Variants in MGAM2 observed in about 807,000 individuals in gnomAD.
MGAM2 encodes maltase-glucoamylase 2 (putative).
MGAM2 carries 98 observed loss-of-function variants against 96.1 expected under a neutral mutation model. The ratio of observed to expected loss-of-function variants is 1.02; its 90% CI spans 0.87 to 1.21. The LOEUF (loss-of-function observed/expected upper bound fraction) is 1.21, where lower values mean the gene tolerates loss of function less well. MGAM2 is among the 50% of genes most tolerant of loss of function. MGAM2 has a pLI of 0.00. For missense variants in MGAM2, 2,055 were observed against 1,182.4 expected (o/e 1.74, Z -10.82); for synonymous variants, 749 against 414.8 (o/e 1.81, Z -9.79).
intron 12 of MGAM2, among the ~76,000 whole-genome samples, chr7:142,143,479 A>G: frequency 6.6e-6 from 1 of 152,306 alleles, no homozygotes; most frequent in African/African-American, 2.4e-5. Context: ...TATTTTAAAC[A>G]ATTTGTCTCC....
intron 44 of MGAM2, among the ~76,000 whole-genome samples, chr7:142,199,313 A>T (rs1797146060): frequency 6.6e-6 from 1 of 152,238 alleles, no homozygotes; most frequent in African/African-American, 2.4e-5. Flanking sequence ...GCCTTGTGGT[A>T]TAACACATGG....
At chr7:142,214,611 T>G (rs1454868312) in intron 46 of MGAM2, among the ~76,000 whole-genome samples, 2 of 152,154 alleles carry the variant, frequency 1.3e-5, no homozygotes, top group African/African-American at 4.8e-5. Context: ...AAGGACCTCT[T>G]CAAGGAGAAC....
In MGAM2 at chr7:142,182,556, G is replaced by A. The variant is rs141426245; in HGVS notation, c.3817-710G>A. Among the ~76,000 whole-genome samples the A allele has an allele frequency of 6.1e-3, 931 of 152,266 alleles. 14 individuals are homozygous for A. The highest frequency in any genetic ancestry group is 0.021 in the African/African-American group (883 of 41,560). On this transcript the variant is annotated intron_variant, in intron 32 of 47. Transcript: ENST00000477922. ...CTGTATGCAGAACCTTCTCGTCTCC[G>A]CACAGGCTTGAGCTCTGCCTCTGCC...
chr7:142,120,283 T>C lies in MGAM2; in HGVS notation c.107-19T>C. 1 of 702,540 alleles carries C rather than the reference T, an allele frequency of 1.4e-6. No individual in the cohort carries two copies. 43.5% of individuals were successfully genotyped at this position (702,540 alleles called of 1,614,324 possible). ...ATTACACTACACATTTTCAACTTTA[T>C]CCTTTAATTCCTATGCAGATACTTC... On this transcript the variant is annotated intron_variant, in intron 2 of 47. Coordinates refer to ENST00000477922, the MANE Select transcript of MGAM2 (RefSeq NM_001293626.2).
chr7:142,182,392 A>T lies in MGAM2; in HGVS notation c.3817-874A>T, dbSNP rs527629130. 5.3e-5 allele frequency among the ~76,000 whole-genome samples: 8 copies of T among 152,246 alleles called. No individual in the cohort carries two copies. The South Asian group carries it at 1.5e-3, about 28-fold the overall frequency. ...GGGCTGGCAGACGGGTGGCATGCAG[A>T]TCAGATGCACCCTTGTTCTGTAGGA... On this transcript the variant is annotated intron_variant, in intron 32 of 47. Coordinates refer to ENST00000477922, the MANE Select transcript of MGAM2 (RefSeq NM_001293626.2).
chr7:142,144,062 C>T (rs1795314768), intron 13 of MGAM2, 180 bp downstream of exon 13: 1 of 434,226 alleles, frequency 2.3e-6, no homozygotes, highest in African/African-American at 2.0e-5. Context: ...TCCTAAGAGC[C>T]TTAGGTTCTT....
intron 3 of MGAM2, among the ~76,000 whole-genome samples, chr7:142,123,247 C>A (rs1003368953): frequency 2.7e-5 from 4 of 150,792 alleles, no homozygotes; most frequent in Non-Finnish European, 4.4e-5. Context: ...TTTTTTACAG[C>A]ACGATTCAAA....
intron 15 of MGAM2, 121 bp downstream of exon 15, chr7:142,147,694 A>C: frequency 1.8e-6 from 1 of 565,182 alleles, no homozygotes; most frequent in Non-Finnish European, 3.1e-6. Flanking sequence ...ATAGAAATAG[A>C]AAAACTGTTC....
At chr7:142,149,593 T>C (rs373261428) in intron 15 of MGAM2, among the ~76,000 whole-genome samples, 9 of 152,046 alleles carry the variant, frequency 5.9e-5, no homozygotes, top group Admixed American at 4.6e-4. Flanking sequence ...CAGGCTGGAG[T>C]GCAGTGGTGC....
intron 12 of MGAM2, among the ~76,000 whole-genome samples, chr7:142,143,496 G>A (rs962362198): frequency 5.3e-5 from 8 of 152,090 alleles, no homozygotes; most frequent in African/African-American, 1.7e-4. Flanking sequence ...CTCCCAACTG[G>A]CCTGACATAA....
chr7:142,183,337 C>T lies in MGAM2; in HGVS notation c.3888C>T (p.Ile1296=), dbSNP rs1447203015. The change falls in exon 33 of 48, where the codon ATC becomes ATT. Residue 1296 remains isoleucine (I), a synonymous_variant. Transcript: ENST00000477922. ...FIRGQENNVF[I]KWPDTNDIVW... ...GAGGACAGGAAAATAACGTGTTCAT[C>T]AAATGGCCTGACACCAATGACATTG... 1 of 703,074 alleles carries T rather than the reference C, an allele frequency of 1.4e-6. No individual in the cohort carries two copies. Among genetic ancestry groups the T allele is most frequent in the Non-Finnish European group, 2.6e-6 (1 of 384,962 alleles). 43.6% of individuals were successfully genotyped at this position (703,074 alleles called of 1,614,324 possible). A position where few individuals can be genotyped will look rare whatever the true frequency, so the allele number is the denominator to read the frequency against.
chr7:142,129,588 G>T (rs558342682), intron 3 of MGAM2, among the ~76,000 whole-genome samples: 7 of 152,046 alleles, frequency 4.6e-5, no homozygotes, highest in African/African-American at 1.7e-4. Context: ...ACTTTGGGAG[G>T]CTGAGGTGGG....
rs371521203 is a variant in MGAM2, at chr7:142,172,299, G to A, written c.3448+105G>A. ...GAGACATTCAGGGGGCAAGGGAAATGGAACAAATAAACTGACTTTCCATTT... is the reference window on the plus strand; with the variant it reads ...GAGACATTCAGGGGGCAAGGGAAATAGAACAAATAAACTGACTTTCCATTT... On this transcript the variant is annotated intron_variant, in intron 29 of 47. Coordinates refer to ENST00000477922, the MANE Select transcript of MGAM2 (RefSeq NM_001293626.2). 9.4e-4 allele frequency: 523 copies of A among 555,326 alleles called. 6 individuals are homozygous for A. The South Asian group carries it at 0.012, about 13-fold the overall frequency. The allele number at this position is 555,326 out of a possible 1,614,324, so 34.4% of individuals were successfully genotyped here.
chr7:142,203,511 A>G (rs908994708), intron 45 of MGAM2, among the ~76,000 whole-genome samples: 6 of 152,154 alleles, frequency 3.9e-5, no homozygotes, highest in African/African-American at 7.2e-5. Flanking sequence ...TAAAATTCCT[A>G]TGGAACCAGA....
chr7:142,196,506 C>T (rs569257355), intron 38 of MGAM2, 59 bp from the exon 39 acceptor site: 4 of 704,760 alleles, frequency 5.7e-6, no homozygotes, highest in Non-Finnish European at 1.0e-5. Flanking sequence ...TCAGGCCAAG[C>T]CTTCACTCTC....
chr7:142,171,618 A>G (rs996847728), intron 28 of MGAM2, among the ~76,000 whole-genome samples, 178 bp downstream of exon 28: 3 of 51,270 alleles, frequency 5.9e-5, no homozygotes, highest in African/African-American at 4.3e-4. Context: ...ATATATATAT[A>G]TATATATATA....
chr7:142,128,811 T>C lies in MGAM2; in HGVS notation c.187-2137T>C, dbSNP rs189647909. ...GTTTTCTGCATAGGTGGAGTCCTTA[T>C]GGAGATCCTCTGCTAGGGCAGTGCG... On this transcript the variant is annotated intron_variant, in intron 3 of 47. Transcript: ENST00000477922. 4.3e-3 allele frequency among the ~76,000 whole-genome samples: 650 copies of C among 152,314 alleles called. 4 individuals carry two copies. Among genetic ancestry groups the C allele is most frequent in the Middle Eastern group, 0.024 (7 of 294 alleles).
In MGAM2 at chr7:142,172,110, T is replaced by C. The variant is rs752360688; in HGVS notation, c.3364T>C (p.Ser1122Pro). ...TCGTGACTCCCAGTACAAGAAGAATTCCTATGGTGTCCACCCTTACTACAT... is the reference window on the plus strand; with the variant it reads ...TCGTGACTCCCAGTACAAGAAGAATCCCTATGGTGTCCACCCTTACTACAT... ...HDEPPAYKKN[S>P]YGVHPYYMAL... is the part of the protein sequence containing the mutation. The change falls in exon 29 of 48, where the codon TCC becomes CCC. Residue 1122 changes from serine (S) to proline (P), a missense_variant. Coordinates refer to ENST00000477922, the MANE Select transcript of MGAM2 (RefSeq NM_001293626.2). The C allele has an allele frequency of 4.1e-6, 3 of 731,282 alleles. No individual in the cohort carries two copies. Among genetic ancestry groups the C allele is most frequent in the African/African-American group, 3.4e-5 (2 of 58,230 alleles). 45.3% of individuals were successfully genotyped at this position (731,282 alleles called of 1,614,324 possible).
chr7:142,137,475 T>C lies in MGAM2; in HGVS notation c.890T>C (p.Ile297Thr), dbSNP rs1474955155. ...QPAPAITYRT[I>T]GGILDFYVFL... ...GCTCCTGCGATCACTTATCGCACGA[T>C]TGGAGGCATTCTTGACTTTTACGTA... The change falls in exon 9 of 48, where the codon ATT becomes ACT. Residue 297 changes from isoleucine to threonine, a missense_variant. Coordinates refer to ENST00000477922, the MANE Select transcript of MGAM2 (RefSeq NM_001293626.2). 1.7e-5 allele frequency: 12 copies of C among 702,190 alleles called. No individual in the cohort carries two copies. The highest frequency in any genetic ancestry group is 5.2e-5 in the African/African-American group (3 of 57,224). 43.5% of individuals were successfully genotyped at this position (702,190 alleles called of 1,614,324 possible).
Sources: allele counts gnomAD v4.1 joint callset (sites outside exome capture counted in the v4.1 genomes callset), GRCh38; gene constraint gnomAD v4.1.1; transcripts MANE v1.5; gene names NCBI Gene and HGNC (gene_info 2026-07-23, HGNC 2026-07-21).